BMPR2: variants seen among roughly 807,000 people sequenced by gnomAD.
BMPR2 encodes bone morphogenetic protein receptor type 2.
BMPR2 carries 29 observed loss-of-function variants against 100.8 expected under a neutral mutation model. That is an observed-to-expected ratio of 0.29 (90% confidence interval 0.21 to 0.39). BMPR2 has a LOEUF of 0.39. BMPR2 is among the 10% of genes least tolerant of loss of function. The pLI is 1.00. For missense variants in BMPR2, 1,011 were observed against 1,274.5 expected (o/e 0.79, Z 3.15); for synonymous variants, 382 against 442.3 (o/e 0.86, Z 1.71).
At chr2:202,484,472 A>C (rs1401621321) in intron 3 of BMPR2, among the ~76,000 whole-genome samples, 22 of 151,230 alleles carry the variant, frequency 1.5e-4, no homozygotes, top group African/African-American at 5.1e-4. Context: ...CAGGAGATCG[A>C]GACCATCCTG....
intron 1 of BMPR2, among the ~76,000 whole-genome samples, chr2:202,395,480 G>T (rs962918523): frequency 2.6e-5 from 4 of 152,174 alleles, no homozygotes; most frequent in Non-Finnish European, 1.5e-5. Flanking sequence ...TCCCAGAACT[G>T]AAGCTATTAT....
intron 1 of BMPR2, among the ~76,000 whole-genome samples, chr2:202,382,052 G>GTTTTTTTT (rs915124502): frequency 8.3e-6 from 1 of 121,042 alleles, no homozygotes; most frequent in African/African-American, 3.1e-5. Flanking sequence ...ATCAGTTTTT[G>GTTTTTTTT]TTTTTGTTTT....
At chr2:202,491,360 C>T (rs916980867) in intron 3 of BMPR2, among the ~76,000 whole-genome samples, 3 of 152,112 alleles carry the variant, frequency 2.0e-5, no homozygotes, top group African/African-American at 7.2e-5. Context: ...CCGAGCCCAC[C>T]CTACCTCTTT....
At chr2:202,462,266 G>A (rs1574461345) in intron 1 of BMPR2, among the ~76,000 whole-genome samples, 1 of 136,544 alleles carries the variant, frequency 7.3e-6, no homozygotes, top group East Asian at 2.1e-4. Context: ...GTCTTGCTCT[G>A]TCGCCCAGGC....
intron 1 of BMPR2, among the ~76,000 whole-genome samples, chr2:202,408,352 G>C (rs1690945577): frequency 1.3e-5 from 2 of 152,146 alleles, no homozygotes; most frequent in Non-Finnish European, 2.9e-5. Context: ...TTGCTTCTTA[G>C]CTCTATCAAA....
At chr2:202,402,337 T>C (rs962034084) in intron 1 of BMPR2, among the ~76,000 whole-genome samples, 1 of 151,710 alleles carries the variant, frequency 6.6e-6, no homozygotes, top group Non-Finnish European at 1.5e-5. Flanking sequence ...ACCAACATGG[T>C]GAAACCCTGT....
At chr2:202,514,402 C>T (rs1402979574) in intron 4 of BMPR2, among the ~76,000 whole-genome samples, 2 of 152,200 alleles carry the variant, frequency 1.3e-5, no homozygotes, top group African/African-American at 4.8e-5. Context: ...TCCCAAAGTG[C>T]TGGGATTACA....
At position 202,376,472 on chromosome 2, in the gene BMPR2, G is replaced by A. The variant is rs1690142710; in HGVS notation, c.-1003G>A. ...CCGCCCCCCGCCCTCGGTCCGCGAC[G>A]CCCGAGTTCCGTCAGGAGCCCAGAG... is the stretch of plus-strand genomic sequence containing the variant. On this transcript the variant is annotated 5_prime_UTR_variant, in exon 1 of 13. Coordinates refer to ENST00000374580, the MANE Select transcript of BMPR2 (RefSeq NM_001204.7). 7.2e-6 allele frequency among the ~76,000 whole-genome samples: 1 copy of A among 139,688 alleles called. No homozygotes were observed. Among genetic ancestry groups the A allele is most frequent in the Admixed American group, 7.2e-5 (1 of 13,810 alleles). 91.6% of individuals were successfully genotyped at this position (139,688 alleles called of 152,430 possible).
chr2:202,469,734 C>G (rs202023064), intron 3 of BMPR2, among the ~76,000 whole-genome samples: 1 of 152,070 alleles, frequency 6.6e-6, no homozygotes, highest in African/African-American at 2.4e-5. Context: ...CCGCCCACCT[C>G]GGCCTCCCAA....
At chr2:202,396,120 C>T (rs1411193335) in intron 1 of BMPR2, among the ~76,000 whole-genome samples, 1 of 152,096 alleles carries the variant, frequency 6.6e-6, no homozygotes, top group Non-Finnish European at 1.5e-5. Context: ...GCTGAGAGGC[C>T]TAGTCAAGTG....
At position 202,495,443 on chromosome 2, in the gene BMPR2, T is replaced by C. The variant is rs1693003843; in HGVS notation, c.419-18276T>C. ...TCGTTGTGCTCTTCTGCTGGCGTGCTCCTCTCGACGACCAGCCACTTTCTT... is the reference window on the plus strand; with the variant it reads ...TCGTTGTGCTCTTCTGCTGGCGTGCCCCTCTCGACGACCAGCCACTTTCTT... On this transcript the variant is annotated intron_variant, in intron 3 of 12. Coordinates refer to ENST00000374580, the MANE Select transcript of BMPR2 (RefSeq NM_001204.7). This position sits in a 1 kb window ranked among gnomAD's most constrained non-coding sequence, Gnocchi z 4.5. Among the ~76,000 whole-genome samples the C allele has an allele frequency of 1.3e-5, 2 of 152,182 alleles. No homozygotes were observed. The highest frequency in any genetic ancestry group is 4.8e-5 in the African/African-American group (2 of 41,446).
intron 1 of BMPR2, among the ~76,000 whole-genome samples, chr2:202,382,688 G>C (rs1404681828): frequency 6.6e-6 from 1 of 152,136 alleles, no homozygotes; most frequent in African/African-American, 2.4e-5. Flanking sequence ...CTTTTTCTTT[G>C]TCCTAGTTCC....
chr2:202,428,863 A>G (rs1053932494), intron 1 of BMPR2, among the ~76,000 whole-genome samples: 1 of 152,166 alleles, frequency 6.6e-6, no homozygotes, highest in East Asian at 1.9e-4. Flanking sequence ...ATCTTTCCAC[A>G]TATATCTAAC....
At chr2:202,504,141 A>G (rs1016086664) in intron 3 of BMPR2, among the ~76,000 whole-genome samples, 1 of 152,130 alleles carries the variant, frequency 6.6e-6, no homozygotes. Context: ...GGCTCTACCA[A>G]TCAGCAGGAC....
At chr2:202,484,984 AAAAAG>A (rs1305050802) in intron 3 of BMPR2, among the ~76,000 whole-genome samples, 9 of 150,204 alleles carry the variant, frequency 6.0e-5, no homozygotes, top group African/African-American at 2.2e-4. Flanking sequence ...AAAAAAAAAA[AAAAAG>A]AAAGAAAGAA....
rs1688675416 is a variant in BMPR2 at position 202,561,311 on chromosome 2, C to G, written c.*1365C>G. 1 of 152,106 alleles carries G rather than the reference C, an allele frequency of 6.6e-6. No homozygotes were observed. Among genetic ancestry groups the G allele is most frequent in the Non-Finnish European group, 1.5e-5 (1 of 67,984 alleles). 9.4% of individuals were successfully genotyped at this position (152,106 alleles called of 1,614,324 possible). A position where few individuals can be genotyped will look rare whatever the true frequency, so the allele number is the denominator to read the frequency against. The stretch of plus-strand genomic sequence containing the variant: ...AATTTTTCCTTTTGCCAGTTTTTCA[C>G]ATTATCTTTGATATGTGAGCAACAT... On this transcript the variant is annotated 3_prime_UTR_variant, in exon 13 of 13. Transcript: ENST00000374580.
At chr2:202,498,663 C>G (rs1223301104) in intron 3 of BMPR2, among the ~76,000 whole-genome samples, 1 of 152,170 alleles carries the variant, frequency 6.6e-6, no homozygotes, top group East Asian at 1.9e-4. Flanking sequence ...ACAGGCTCAC[C>G]CTTGAAATGC....
intron 4 of BMPR2, 36 bp from the exon 5 acceptor site, chr2:202,514,852 A>G: frequency 6.6e-7 from 1 of 1,514,772 alleles, no homozygotes; most frequent in Admixed American, 1.7e-5. Context: ...ATTTTAAGAA[A>G]ACCATATATT....
At chr2:202,468,829 G>T (rs1448685288) in intron 3 of BMPR2, among the ~76,000 whole-genome samples, 1 of 152,184 alleles carries the variant, frequency 6.6e-6, no homozygotes, top group East Asian at 1.9e-4. Context: ...ATAGTAGGCT[G>T]TCTTGTATAG....
Sources: allele counts gnomAD v4.1 joint callset (sites outside exome capture counted in the v4.1 genomes callset), GRCh38; gene constraint gnomAD v4.1.1; non-coding constraint Gnocchi (gnomAD v3.1); transcripts MANE v1.5; gene names NCBI Gene and HGNC (gene_info 2026-07-23, HGNC 2026-07-21).